ADORA2B: variants seen among roughly 807,000 people sequenced by gnomAD.
ADORA2B encodes the protein adenosine receptor A2b.
A neutral mutation model predicts 20.8 loss-of-function variants in ADORA2B; 18 were observed. The ratio of observed to expected loss-of-function variants is 0.87; its 90% CI spans 0.60 to 1.29. The LOEUF (loss-of-function observed/expected upper bound fraction) is 1.29. Among genes scored for constraint, ADORA2B ranks in the 50% most tolerant of loss-of-function variants. The pLI is 0.00. For missense variants in ADORA2B, 441 were observed against 422.7 expected, an observed-to-expected ratio of 1.04 and a Z score of -0.38; for synonymous variants, 179 against 178.3, an observed-to-expected ratio of 1.00 and a Z score of -0.03.
At chr17:15,885,665 G>A in the ADORA2B span, among the ~76,000 whole-genome samples, 2 of 149,992 alleles carry the variant, frequency 1.3e-5, no homozygotes, top group Non-Finnish European at 3.0e-5. Flanking sequence ...AGTGAGCCGA[G>A]ATTGTGCCAC....
chr17:15,969,464 A>C (rs567561991), intron 1 of ADORA2B, among the ~76,000 whole-genome samples: 7 of 152,226 alleles, frequency 4.6e-5, no homozygotes, highest in African/African-American at 1.7e-4. Flanking sequence ...AAATAAATAA[A>C]TAAAATAATA....
the ADORA2B span, among the ~76,000 whole-genome samples, chr17:15,862,436 G>A: frequency 6.6e-6 from 1 of 151,688 alleles, no homozygotes; most frequent in Admixed American, 6.6e-5. Flanking sequence ...GGCTAGGCTG[G>A]TCTCAAACTC....
chr17:15,863,856 G>C, the ADORA2B span, among the ~76,000 whole-genome samples: 1 of 152,180 alleles, frequency 6.6e-6, no homozygotes, highest in Non-Finnish European at 1.5e-5. Flanking sequence ...ACTCATGACA[G>C]TCAGGAGGCA....
chr17:15,918,912 G>C, the ADORA2B span, among the ~76,000 whole-genome samples: 9 of 152,162 alleles, frequency 5.9e-5, no homozygotes, highest in Non-Finnish European at 5.9e-5. Context: ...TGTGTGACAG[G>C]GGACAGCCAG....
the ADORA2B span, among the ~76,000 whole-genome samples, chr17:15,913,907 C>T: frequency 1.9e-4 from 29 of 152,328 alleles, no homozygotes; most frequent in African/African-American, 7.0e-4. Context: ...CTACATGTGA[C>T]CTCAGAAGGC....
At chr17:15,874,064 G>GTATATATATA in the ADORA2B span, among the ~76,000 whole-genome samples, 3 of 144,838 alleles carry the variant, frequency 2.1e-5, no homozygotes, top group African/African-American at 8.1e-5. Context: ...ATATATGTGT[G>GTATATATATA]TGTGTATATA....
chr17:15,953,312 T>G (rs1002940205), intron 1 of ADORA2B, among the ~76,000 whole-genome samples: 2 of 152,220 alleles, frequency 1.3e-5, no homozygotes, highest in African/African-American at 2.4e-5. Context: ...GAGTCGCATT[T>G]ATTATCTTCT....
the ADORA2B span, among the ~76,000 whole-genome samples, chr17:15,864,323 C>G: frequency 6.6e-6 from 1 of 152,236 alleles, no homozygotes; most frequent in African/African-American, 2.4e-5. Context: ...AGTTTGCACT[C>G]CCACCAAACA....
At chr17:15,964,846 G>A (rs1490056729) in intron 1 of ADORA2B, among the ~76,000 whole-genome samples, 2 of 151,966 alleles carry the variant, frequency 1.3e-5, no homozygotes, top group African/African-American at 4.8e-5. Context: ...CGAATCACGA[G>A]GTCAGGAGAT....
rs143900813 is a variant in ADORA2B, at chr17:15,945,337, C to T, written c.89C>T (p.Ala30Val). Residue 30 changes from alanine (A) to valine (V), a missense_variant, in exon 1 of 2, where the codon GCC (alanine) becomes GTC (valine). Transcript: ENST00000304222. ...GTGGCGGGCAACGTGCTGGTGTGCG[C>T]CGCGGTGGGCACGGCGAACACTCTG... Reference protein sequence around the residue: ...LSVAGNVLVCAAVGTANTLQT... With the variant: ...LSVAGNVLVCVAVGTANTLQT... The T allele has an allele frequency of 2.5e-6, 4 of 1,603,450 alleles. No homozygotes were observed. In the African/African-American group the frequency reaches 4.0e-5, roughly 16 times the overall value.
the ADORA2B span, among the ~76,000 whole-genome samples, chr17:15,871,163 G>A: frequency 3.3e-5 from 5 of 152,184 alleles, no homozygotes; most frequent in Non-Finnish European, 5.9e-5. Context: ...ACTCCCAGAG[G>A]TATGAAACTA....
intron 1 of ADORA2B, among the ~76,000 whole-genome samples, chr17:15,952,937 G>A (rs1969923607): frequency 6.6e-6 from 1 of 152,264 alleles, no homozygotes; most frequent in South Asian, 2.1e-4. Context: ...CGGGCAGCGG[G>A]AACTCAATGG....
chr17:15,947,465 G>A (rs567836610), intron 1 of ADORA2B, among the ~76,000 whole-genome samples: 1 of 152,374 alleles, frequency 6.6e-6, no homozygotes, highest in East Asian at 1.9e-4. Context: ...GTGTGGGTGT[G>A]TTAAGGGGAA....
At chr17:15,930,848 A>T in the ADORA2B span, among the ~76,000 whole-genome samples, 3 of 152,256 alleles carry the variant, frequency 2.0e-5, no homozygotes, top group Non-Finnish European at 4.4e-5. Flanking sequence ...TAGAGAAAAC[A>T]GTGTCTGCTA....
At chr17:15,908,100 T>C in the ADORA2B span, among the ~76,000 whole-genome samples, 1 of 152,152 alleles carries the variant, frequency 6.6e-6, no homozygotes, top group Non-Finnish European at 1.5e-5. Flanking sequence ...TTTCTTGTTT[T>C]TGAGACTTGC....
intron 1 of ADORA2B, among the ~76,000 whole-genome samples, chr17:15,947,022 AG>A (rs1969815844): frequency 6.6e-6 from 1 of 152,168 alleles, no homozygotes; most frequent in African/African-American, 2.4e-5. Context: ...GGGTCCCAGC[AG>A]GAACAGGAGC....
chr17:15,953,795 C>A (rs1252079258), intron 1 of ADORA2B, among the ~76,000 whole-genome samples: 1 of 152,194 alleles, frequency 6.6e-6, no homozygotes, highest in Non-Finnish European at 1.5e-5. Context: ...GTAACTCGTG[C>A]TGCTGGAAAG....
the ADORA2B span, among the ~76,000 whole-genome samples, chr17:15,879,346 G>A: frequency 0.04 from 6,086 of 151,976 alleles, 431 homozygotes; most frequent in African/African-American, 0.14. Context: ...TCAGGTACTT[G>A]TGAGGCTGAG....
intron 1 of ADORA2B, among the ~76,000 whole-genome samples, chr17:15,964,930 G>A (rs867407290): frequency 3.6e-4 from 55 of 152,124 alleles, no homozygotes; most frequent in Middle Eastern, 3.4e-3. Flanking sequence ...TGTGGCAGCG[G>A]GTGCCTGTAG....
Sources: gnomAD v4.1 joint callset for allele counts (sites outside exome capture counted in the v4.1 genomes callset) on GRCh38, gnomAD v4.1.1 for gene constraint, MANE v1.5 for transcripts, NCBI Gene and HGNC (gene_info 2026-07-23, HGNC 2026-07-21) for gene names.